LMO3: variants seen among roughly 807,000 people sequenced by gnomAD.
The protein encoded by LMO3 is LIM domain only protein 3.
A neutral mutation model predicts 15.8 loss-of-function variants in LMO3; 2 were observed. The ratio of observed to expected loss-of-function variants is 0.13; its 90% confidence interval spans 0.05 to 0.40. LMO3 has a LOEUF of 0.40. Ranked by LOEUF, LMO3 falls within the 10% of genes least tolerant of loss-of-function variation. The pLI, the probability that LMO3 is intolerant of heterozygous loss-of-function variation, is 0.99. For synonymous variants in LMO3, 62 were observed against 63.8 expected (o/e 0.97, Z 0.13); for missense variants, 86 against 182.2 (o/e 0.47, Z 3.04).
upstream of LMO3, among the ~76,000 whole-genome samples, chr12:16,609,501 G>A (rs1401312566): frequency 6.6e-6 from 1 of 152,046 alleles, no homozygotes; most frequent in Non-Finnish European, 1.5e-5. Flanking sequence ...AGATCTTTTT[G>A]GTCCGATTAC....
chr12:16,560,342 C>T lies in LMO3; in HGVS notation c.332+71G>A. 1.4e-6 allele frequency: 2 copies of T among 1,480,312 alleles called. No homozygotes were observed. The highest frequency in any genetic ancestry group is 9.2e-7 in the Non-Finnish European group (1 of 1,091,604). The allele number at this position is 1,480,312 out of a possible 1,614,324, so 91.7% of individuals were successfully genotyped here. ...TGCTTTAAATGTATGAATATAATTT[C>T]CACCTATTAAATAAATAGCCAGCAC... On this transcript the variant is annotated intron_variant, in intron 3 of 3. Coordinates refer to ENST00000537304, the MANE Select transcript of LMO3 (RefSeq NM_018640.5). This position sits in a 1 kb window ranked among gnomAD's most constrained non-coding sequence, Gnocchi z 5.0.
At chr12:16,568,956 C>A (rs1439048699) in intron 2 of LMO3, among the ~76,000 whole-genome samples, 1 of 152,092 alleles carries the variant, frequency 6.6e-6, no homozygotes, top group African/African-American at 2.4e-5. Flanking sequence ...TTTTTTCTAA[C>A]TTGAAACTTA....
At chr12:16,554,363 A>G (rs1192858941) in intron 3 of LMO3, among the ~76,000 whole-genome samples, 1 of 152,198 alleles carries the variant, frequency 6.6e-6, no homozygotes, top group Non-Finnish European at 1.5e-5. Flanking sequence ...TACAACACTT[A>G]GCTAGGGAGC....
intron 2 of LMO3, among the ~76,000 whole-genome samples, chr12:16,565,207 A>C (rs1390572278): frequency 6.6e-6 from 1 of 152,242 alleles, no homozygotes. Flanking sequence ...GAAGACTATG[A>C]AATTGCAATC....
chr12:16,572,494 A>C (rs750895214), intron 2 of LMO3, among the ~76,000 whole-genome samples: 43 of 150,086 alleles, frequency 2.9e-4, no homozygotes, highest in Non-Finnish European at 2.5e-4. Flanking sequence ...TATTATTTGA[A>C]GTACTTCTTA....
chr12:16,558,272 A>G (rs535507363), intron 3 of LMO3, among the ~76,000 whole-genome samples: 1 of 152,182 alleles, frequency 6.6e-6, no homozygotes, highest in Non-Finnish European at 1.5e-5. Flanking sequence ...CTTTTAGAAG[A>G]ATGAGACATG....
At chr12:16,580,643 CAG>C (rs1303985219) in intron 2 of LMO3, among the ~76,000 whole-genome samples, 11 of 152,068 alleles carry the variant, frequency 7.2e-5, no homozygotes, top group Non-Finnish European at 1.3e-4. Context: ...GGTTACAAAA[CAG>C]AATGTAAATA....
Position 16,586,042 on chromosome 12 carries a change from C to T in LMO3, c.206+14613G>A, listed in dbSNP as rs1943309601. 6.6e-6 allele frequency among the ~76,000 whole-genome samples: 1 copy of T among 152,064 alleles called. No individual in the cohort carries two copies. The highest frequency in any genetic ancestry group is 1.5e-5 in the Non-Finnish European group (1 of 68,026). ...TTTTGCAGCTGTTAATGAAAATCTT[C>T]AACACAGGAAAACAGCAAAACCTTG... On this transcript the variant is annotated intron_variant, in intron 2 of 3. Transcript: ENST00000537304. This position sits in a 1 kb window ranked among gnomAD's most constrained non-coding sequence, Gnocchi z 4.3.
chr12:16,562,151 C>T (rs1942430170), intron 2 of LMO3, among the ~76,000 whole-genome samples: 1 of 152,122 alleles, frequency 6.6e-6, no homozygotes, highest in Non-Finnish European at 1.5e-5. Context: ...AAACCATCAC[C>T]AACTAAAGCT....
At chr12:16,602,037 A>G (rs1229765366) in intron 1 of LMO3, 1 of 152,256 alleles carries the variant, frequency 6.6e-6, no homozygotes, top group Non-Finnish European at 1.5e-5. Flanking sequence ...AGAGAGGTTC[A>G]GAGACTTGCT....
chr12:16,566,527 T>A (rs886451941), intron 2 of LMO3, among the ~76,000 whole-genome samples: 7 of 152,046 alleles, frequency 4.6e-5, no homozygotes, highest in African/African-American at 1.4e-4. Context: ...CCTAGAAATA[T>A]GTACCATTAT....
At chr12:16,600,502 C>T in intron 2 of LMO3, 153 bp downstream of exon 2, 1 of 636,394 alleles carries the variant, frequency 1.6e-6, no homozygotes, top group Non-Finnish European at 2.7e-6. Context: ...ATTTGAGTAA[C>T]ACACACAGGG....
At chr12:16,606,919 T>C (rs1360588395), upstream of LMO3, 1 of 152,168 alleles carries the variant, frequency 6.6e-6, no homozygotes, top group Non-Finnish European at 1.5e-5. Flanking sequence ...TGGCTACATT[T>C]AAAGCAAATT....
chr12:16,604,889 T>C lies in LMO3; in HGVS notation c.-9+1177A>G. 6.3e-7 allele frequency: 1 copy of C among 1,597,038 alleles called. No homozygotes were observed. Among genetic ancestry groups the C allele is most frequent in the Non-Finnish European group, 8.5e-7 (1 of 1,178,592 alleles). ...CCAAAACTTTTCTCCTTTTTCTGCA[T>C]GAGTTGACTTAGGCGTGTCTGAGTT... On this transcript the variant is annotated intron_variant, in intron 1 of 3. Transcript: ENST00000537304. The surrounding 1 kb of genome is among the most constrained non-coding windows in gnomAD (Gnocchi z 5.3).
In LMO3 at chr12:16,589,339, T is replaced by G. The variant is rs904341842; in HGVS notation, c.206+11316A>C. 7.9e-5 allele frequency among the ~76,000 whole-genome samples: 12 copies of G among 152,064 alleles called. No homozygotes were observed. Among genetic ancestry groups the G allele is most frequent in the Non-Finnish European group, 1.6e-4 (11 of 68,002 alleles). Reference sequence around the variant, plus strand: ...ATGTAGTAGAATAATGAGAAACACATGATGAGACATTTAAAATATACTGTA... The same window carrying G: ...ATGTAGTAGAATAATGAGAAACACAGGATGAGACATTTAAAATATACTGTA... On this transcript the variant is annotated intron_variant, in intron 2 of 3. Transcript: ENST00000537304. The surrounding 1 kb of genome is among the most constrained non-coding windows in gnomAD (Gnocchi z 4.2).
At chr12:16,567,655 A>T (rs1942664485) in intron 2 of LMO3, 1 of 152,232 alleles carries the variant, frequency 6.6e-6, no homozygotes, top group African/African-American at 2.4e-5. Context: ...CCAATATGGT[A>T]GTAGTCTGCT....
chr12:16,605,436 G>GCCCCCCCCCCCCCCCCCCCCCCCCCCA (rs56405071), intron 1 of LMO3: 1 of 355,860 alleles, frequency 2.8e-6, no homozygotes, highest in Non-Finnish European at 3.5e-6. Flanking sequence ...CTACCCGCCT[G>GCCCCCCCCCCCCCCCCCCCCCCCCCCA]CCCCCCCCCC....
At chr12:16,568,517 G>A (rs1942697103) in intron 2 of LMO3, among the ~76,000 whole-genome samples, 1 of 152,150 alleles carries the variant, frequency 6.6e-6, no homozygotes, top group Non-Finnish European at 1.5e-5. Flanking sequence ...TGTGGCTAAT[G>A]ACTACTTGAC....
upstream of LMO3, chr12:16,608,825 C>T (rs989266745): frequency 1.3e-5 from 2 of 152,240 alleles, no homozygotes; most frequent in Non-Finnish European, 2.9e-5. The surrounding 1 kb of genome is among the most constrained non-coding windows in gnomAD (Gnocchi z 4.1). Flanking sequence ...TAACATTCAG[C>T]TCCATGCCAT....
Sources: allele counts gnomAD v4.1 joint callset (sites outside exome capture counted in the v4.1 genomes callset), GRCh38; gene constraint gnomAD v4.1.1; non-coding constraint Gnocchi (gnomAD v3.1); transcripts MANE v1.5; gene names NCBI Gene and HGNC (gene_info 2026-07-23, HGNC 2026-07-21).